SIAE: variants seen among roughly 807,000 people sequenced by gnomAD.
SIAE encodes sialic acid acetylesterase, also known as sialate O-acetylesterase.
A neutral mutation model predicts 52.6 loss-of-function variants in SIAE; 39 were observed. The observed-to-expected ratio is 0.74, with a 90% CI of 0.57 to 0.97. The LOEUF is 0.97. Ranked by LOEUF, SIAE falls within the 50% of genes least tolerant of loss-of-function variation. The pLI, the probability that SIAE is intolerant of heterozygous loss-of-function variation, is 0.00. For synonymous variants in SIAE, 233 were observed against 241.4 expected, an observed-to-expected ratio of 0.97 and a Z score of 0.32; for missense variants, 592 against 662.1, an observed-to-expected ratio of 0.89 and a Z score of 1.16.
At chr11:124,669,577 T>G in intron 1 of SIAE, 56 bp from the exon 2 acceptor site, 1 of 1,484,658 alleles carries the variant, frequency 6.7e-7, no homozygotes, top group Non-Finnish European at 9.3e-7. Flanking sequence ...TAGCACCAAC[T>G]GGATCAAGTG....
rs1357912398 is a variant in SIAE at position 124,635,706 on chromosome 11, G to T, written c.*1245C>A. 1.3e-5 allele frequency: 2 copies of T among 152,124 alleles called. No homozygotes were observed. Among genetic ancestry groups the T allele is most frequent in the Non-Finnish European group, 2.9e-5 (2 of 68,032 alleles). The allele number at this position is 152,124 out of a possible 1,614,324, so 9.4% of individuals were successfully genotyped here. On this transcript the variant is annotated 3_prime_UTR_variant, in exon 10 of 10. Transcript: ENST00000263593. ...CTTTAGTTCTCATTTTTCACATTAA[G>T]GGGAGGAAAGCTACCCATAGATAGT...
At chr11:124,673,939 C>G (rs953303671), upstream of SIAE, 1 of 581,304 alleles carries the variant, frequency 1.7e-6, no homozygotes, top group South Asian at 2.1e-5. Flanking sequence ...GGCACCAGCT[C>G]GGAGAGAAAG....
intron 2 of SIAE, among the ~76,000 whole-genome samples, chr11:124,669,120 G>A (rs951689746): frequency 2.0e-5 from 3 of 152,074 alleles, no homozygotes; most frequent in African/African-American, 4.8e-5. Flanking sequence ...ATATAACTTG[G>A]TATCTATTCC....
At chr11:124,673,755 C>A (rs766491101), upstream of SIAE, 3 of 1,598,204 alleles carry the variant, frequency 1.9e-6, no homozygotes, top group African/African-American at 4.0e-5. Flanking sequence ...AGTGGGTTCC[C>A]GGCAGGGGCG....
chr11:124,643,636 G>GAA (rs1942884150), intron 7 of SIAE, among the ~76,000 whole-genome samples: 1 of 152,012 alleles, frequency 6.6e-6, no homozygotes, highest in Non-Finnish European at 1.5e-5. Flanking sequence ...GGCTCCCAGA[G>GAA]AAAAAAATCT....
At chr11:124,640,301 T>G (rs1002404651) in intron 7 of SIAE, among the ~76,000 whole-genome samples, 1 of 152,114 alleles carries the variant, frequency 6.6e-6, no homozygotes, top group African/African-American at 2.4e-5. Context: ...CCTTGGAAAT[T>G]GAAAGATCAT....
rs1329951824 is a variant in SIAE at position 124,636,044 on chromosome 11, A to G, written c.*907T>C. The G allele has an allele frequency of 6.6e-6, 1 of 151,980 alleles. No individual in the cohort carries two copies. The highest frequency in any genetic ancestry group is 1.9e-4 in the East Asian group (1 of 5,184). 9.4% of individuals were successfully genotyped at this position (151,980 alleles called of 1,614,324 possible). A position where few individuals can be genotyped will look rare whatever the true frequency, so the allele number is the denominator to read the frequency against. The stretch of plus-strand genomic sequence containing the variant: ...ACCTTTTACCTTTAAAGAGCCTGAG[A>G]TTTATATTTAACTCGAACAACAGTT... On this transcript the variant is annotated 3_prime_UTR_variant, in exon 10 of 10. Transcript: ENST00000263593.
intron 1 of SIAE, among the ~76,000 whole-genome samples, chr11:124,673,296 G>A (rs888815046): frequency 1.3e-5 from 2 of 152,174 alleles, no homozygotes; most frequent in Non-Finnish European, 2.9e-5. Flanking sequence ...TACCTAACTA[G>A]CTTCGCCTCC....
chr11:124,645,597 G>A lies in SIAE; in HGVS notation c.966+1768C>T, dbSNP rs1223049822. Among the ~76,000 whole-genome samples, 6 of 152,008 alleles carry A rather than the reference G, an allele frequency of 3.9e-5. No homozygotes were observed. The highest frequency in any genetic ancestry group is 3.9e-4 in the East Asian group (2 of 5,176). On this transcript the variant is annotated intron_variant, in intron 7 of 9. Transcript: ENST00000263593. The surrounding 1 kb of genome is among the most constrained non-coding windows in gnomAD (Gnocchi z 4.7). ...ATTACAAGCGTGAGCCACCAAGCCCGGCCTGATTGCTATATTTCTAGCACC... is the reference window on the plus strand; with the variant it reads ...ATTACAAGCGTGAGCCACCAAGCCCAGCCTGATTGCTATATTTCTAGCACC...
intron 3 of SIAE, chr11:124,660,404 A>G: frequency 1.6e-6 from 1 of 634,516 alleles, no homozygotes; most frequent in Non-Finnish European, 2.9e-6. Context: ...ACCTATATAG[A>G]ATACATTAGC....
intron 7 of SIAE, among the ~76,000 whole-genome samples, chr11:124,644,353 GAAAAAAAAAAA>G (rs370589585): frequency 9.8e-6 from 1 of 102,174 alleles, no homozygotes; most frequent in African/African-American, 3.4e-5. Flanking sequence ...TCTGTGGTGA[GAAAAAAAAAAA>G]AAAAAAAAAA....
chr11:124,647,710 C>T (rs1296765092), intron 6 of SIAE, among the ~76,000 whole-genome samples: 1 of 152,052 alleles, frequency 6.6e-6, no homozygotes, highest in Non-Finnish European at 1.5e-5. Flanking sequence ...TCCTGATGAC[C>T]CTGGAATCCT....
intron 2 of SIAE, among the ~76,000 whole-genome samples, chr11:124,665,555 C>T (rs12277690): frequency 0.025 from 3,737 of 152,210 alleles, 130 homozygotes; most frequent in African/African-American, 0.078. Flanking sequence ...GAGAATCCAG[C>T]GAAACCATGA....
upstream of SIAE, chr11:124,673,749 G>C: frequency 6.2e-7 from 1 of 1,605,414 alleles, no homozygotes; most frequent in Non-Finnish European, 8.5e-7. Context: ...TGGGAAAGTG[G>C]GTTCCCGGCA....
At position 124,648,470 on chromosome 11, in the gene SIAE, T is replaced by TG. The variant is rs60074472; in HGVS notation, c.723-296dup. ...CTTTATTGTTGAGTTTCTCACATTG[T>TG]GGGGGGGGGCCAATAAATTTACCTA... is the stretch of plus-strand genomic sequence containing the variant. On this transcript the variant is annotated intron_variant, in intron 5 of 9. Transcript: ENST00000263593. Among the ~76,000 whole-genome samples, 591 of 150,826 alleles carry TG rather than the reference T, an allele frequency of 3.9e-3. 3 individuals carry two copies. Among genetic ancestry groups the TG allele is most frequent in the Middle Eastern group, 0.031 (9 of 292 alleles).
intron 1 of SIAE, among the ~76,000 whole-genome samples, chr11:124,673,344 G>A (rs1158078151): frequency 6.6e-6 from 1 of 152,140 alleles, no homozygotes; most frequent in Non-Finnish European, 1.5e-5. Context: ...CCAGGACCCC[G>A]AAGGCCTCTT....
chr11:124,669,216 T>C lies in SIAE; in HGVS notation c.229+144A>G. On this transcript the variant is annotated intron_variant, in intron 2 of 9. Transcript: ENST00000263593. ...CCTCAGTGCCTAAGCACATGGCAAA[T>C]ATTCAAATAACTTTTATGGATGAAT... 8.0e-6 allele frequency: 9 copies of C among 1,124,092 alleles called. No homozygotes were observed. In the South Asian group the frequency reaches 1.2e-4, roughly 15 times the overall value. 69.6% of individuals were successfully genotyped at this position (1,124,092 alleles called of 1,614,324 possible). A position where few individuals can be genotyped will look rare whatever the true frequency, so the allele number is the denominator to read the frequency against.
At chr11:124,652,729 G>C (rs936250693) in intron 4 of SIAE, among the ~76,000 whole-genome samples, 1 of 150,384 alleles carries the variant, frequency 6.6e-6, no homozygotes, top group Non-Finnish European at 1.5e-5. Context: ...GAGCACAGCA[G>C]GCAGGAGAGA....
chr11:124,673,881 T>TA (rs1466283172), upstream of SIAE: 6 of 655,966 alleles, frequency 9.1e-6, no homozygotes, highest in East Asian at 2.9e-5. Context: ...TTTTTTTTTT[T>TA]AAAGAAAAAA....
Sources: gnomAD v4.1 joint callset for allele counts (sites outside exome capture counted in the v4.1 genomes callset) on GRCh38, gnomAD v4.1.1 for gene constraint, Gnocchi (gnomAD v3.1) non-coding constraint, MANE v1.5 for transcripts, NCBI Gene and HGNC (gene_info 2026-07-23, HGNC 2026-07-21) for gene names.